Variants in PCDH15 observed in about 807,000 individuals in gnomAD.
PCDH15 encodes protocadherin-15.
In PCDH15, 129 loss-of-function variants were observed where a neutral mutation model predicts 178.5. The ratio of observed to expected loss-of-function variants is 0.72; its 90% CI spans 0.63 to 0.84. The LOEUF is 0.84. Among genes scored for constraint, PCDH15 ranks in the 40% least tolerant of loss-of-function variants. PCDH15 has a pLI of 0.00. For missense variants in PCDH15, 2,230 were observed against 2,099.9 expected (o/e 1.06, Z -1.21); for synonymous variants, 800 against 732.0 (o/e 1.09, Z -1.50).
At chr10:55,357,039 T>C (rs191234670) in intron 2 of PCDH15, among the ~76,000 whole-genome samples, 193 of 152,052 alleles carry the variant, frequency 1.3e-3, no homozygotes, top group African/African-American at 3.9e-3. Context: ...AGAGAAAATA[T>C]GTGTAGAGAA....
upstream of PCDH15, among the ~76,000 whole-genome samples, chr10:55,320,805 G>A (rs917569057): frequency 1.2e-4 from 19 of 152,160 alleles, no homozygotes; most frequent in Non-Finnish European, 2.4e-4. Flanking sequence ...GCCAAAGACT[G>A]AAGGAATATC....
chr10:55,158,467 C>T (rs1203399729), intron 2 of PCDH15, among the ~76,000 whole-genome samples: 1 of 151,864 alleles, frequency 6.6e-6, no homozygotes, highest in Non-Finnish European at 1.5e-5. Context: ...CTTAATGACC[C>T]AAAAGTTATT....
chr10:53,918,086 G>C (rs1490888767), intron 25 of PCDH15, among the ~76,000 whole-genome samples: 1 of 152,058 alleles, frequency 6.6e-6, no homozygotes, highest in African/African-American at 2.4e-5. Flanking sequence ...AAATTACCCA[G>C]CCTCAGGCAT....
At chr10:55,435,941 T>G (rs1200593927) in intron 2 of PCDH15, among the ~76,000 whole-genome samples, 1 of 152,172 alleles carries the variant, frequency 6.6e-6, no homozygotes, top group African/African-American at 2.4e-5. Context: ...CATGTCAACT[T>G]TTATTAATCA....
At chr10:53,916,688 A>C (rs1009598410) in intron 25 of PCDH15, among the ~76,000 whole-genome samples, 3 of 152,204 alleles carry the variant, frequency 2.0e-5, no homozygotes, top group African/African-American at 7.2e-5. Context: ...TTGGAAGCAG[A>C]GCCTGGGTCT....
At chr10:55,344,971 C>T (rs1019540962) in intron 2 of PCDH15, among the ~76,000 whole-genome samples, 4 of 151,954 alleles carry the variant, frequency 2.6e-5, no homozygotes, top group Non-Finnish European at 5.9e-5. Flanking sequence ...CCCTCTTTAT[C>T]TTCCTTTTGA....
intron 2 of PCDH15, among the ~76,000 whole-genome samples, chr10:55,584,614 C>T (rs564402278): frequency 2.2e-5 from 3 of 134,006 alleles, no homozygotes; most frequent in African/African-American, 8.6e-5. Flanking sequence ...GCCGAGATCA[C>T]ACCACTGCAC....
chr10:54,837,423 G>GA (rs1953334974), intron 3 of PCDH15, among the ~76,000 whole-genome samples: 3 of 152,002 alleles, frequency 2.0e-5, no homozygotes, highest in Admixed American at 2.0e-4. Flanking sequence ...AGTAGTATTA[G>GA]AAAAACCATG....
chr10:54,551,331 T>C (rs2086588411), intron 2 of PCDH15, among the ~76,000 whole-genome samples: 1 of 151,852 alleles, frequency 6.6e-6, no homozygotes, highest in South Asian at 2.1e-4. Context: ...AAAAACAAGA[T>C]GAACTAAACT....
chr10:54,438,952 A>G (rs1050801278), intron 3 of PCDH15, among the ~76,000 whole-genome samples: 5 of 152,096 alleles, frequency 3.3e-5, no homozygotes, highest in African/African-American at 7.2e-5. Context: ...AATTGAGGTC[A>G]ATGAAGGTTG....
At chr10:54,384,535 G>A (rs1349695362) in intron 3 of PCDH15, among the ~76,000 whole-genome samples, 1 of 152,046 alleles carries the variant, frequency 6.6e-6, no homozygotes, top group Non-Finnish European at 1.5e-5. Flanking sequence ...AATTGATTAA[G>A]TGTCTTAAGA....
At chr10:54,699,578 T>C (rs1217038053) in intron 1 of PCDH15, among the ~76,000 whole-genome samples, 1 of 152,140 alleles carries the variant, frequency 6.6e-6, no homozygotes, top group Non-Finnish European at 1.5e-5. Flanking sequence ...TTTCTCTGAA[T>C]ACTTTTAAGT....
intron 25 of PCDH15, among the ~76,000 whole-genome samples, chr10:53,932,195 G>A (rs938334674): frequency 9.9e-5 from 15 of 152,144 alleles, no homozygotes; most frequent in South Asian, 4.1e-4. Context: ...GGAATTCTGC[G>A]GTCTATGTCC....
intron 2 of PCDH15, among the ~76,000 whole-genome samples, chr10:55,146,982 G>T (rs1030845870): frequency 6.6e-6 from 1 of 151,426 alleles, no homozygotes; most frequent in Non-Finnish European, 1.5e-5. Flanking sequence ...ATTTTAAAAA[G>T]AATCTATTTT....
intron 1 of PCDH15, among the ~76,000 whole-genome samples, chr10:54,750,583 A>G (rs1946096492): frequency 6.6e-6 from 1 of 152,160 alleles, no homozygotes; most frequent in Non-Finnish European, 1.5e-5. Context: ...TTTGAAGACA[A>G]TAAGTTGGAG....
chr10:54,682,347 G>A (rs2094916001), intron 1 of PCDH15, among the ~76,000 whole-genome samples: 1 of 152,028 alleles, frequency 6.6e-6, no homozygotes, highest in African/African-American at 2.4e-5. Flanking sequence ...TTTCTCTTCT[G>A]TTGTATTCAC....
At chr10:55,591,476 C>A (rs966911297) in intron 2 of PCDH15, among the ~76,000 whole-genome samples, 5 of 151,540 alleles carry the variant, frequency 3.3e-5, no homozygotes, top group African/African-American at 1.2e-4. Flanking sequence ...ATAGGTAGAA[C>A]TTTTTCAGTA....
At chr10:54,644,179 A>G (rs2094067118) in intron 2 of PCDH15, among the ~76,000 whole-genome samples, 1 of 150,916 alleles carries the variant, frequency 6.6e-6, no homozygotes, top group African/African-American at 2.4e-5. Flanking sequence ...ATAGTATTCC[A>G]CGGTGTATAT....
At chr10:55,456,418 A>G (rs778595483) in intron 2 of PCDH15, among the ~76,000 whole-genome samples, 17 of 152,108 alleles carry the variant, frequency 1.1e-4, no homozygotes, top group Non-Finnish European at 2.1e-4. Flanking sequence ...TATGAACATT[A>G]TGATCATTTA....
Sources: gnomAD v4.1 joint callset for allele counts (sites outside exome capture counted in the v4.1 genomes callset) on GRCh38, gnomAD v4.1.1 for gene constraint, MANE v1.5 for transcripts, NCBI Gene and HGNC (gene_info 2026-07-23, HGNC 2026-07-21) for gene names.